MEF2C: variants seen among roughly 807,000 people sequenced by gnomAD.
MEF2C encodes the protein myocyte-specific enhancer factor 2C.
In MEF2C, 6 loss-of-function variants were observed where a neutral mutation model predicts 50.5. The observed-to-expected ratio is 0.12, with a 90% CI of 0.07 to 0.23. MEF2C has a LOEUF of 0.23. Ranked by LOEUF, MEF2C falls within the 10% of genes least tolerant of loss-of-function variation. MEF2C has a pLI of 1.00. For missense variants in MEF2C, 276 were observed against 605.0 expected (o/e 0.46, Z 5.70); for synonymous variants, 183 against 228.0 (o/e 0.80, Z 1.78).
At chr5:88,730,160 C>G (rs1225947661) in intron 8 of MEF2C, 51 bp downstream of exon 8, 4 of 1,553,974 alleles carry the variant, frequency 2.6e-6, no homozygotes, top group African/African-American at 1.4e-5. Context: ...CCACCTCTAC[C>G]TAAAAGTAGC....
At chr5:88,759,662 T>A in intron 4 of MEF2C, among the ~76,000 whole-genome samples, 1 of 117,364 alleles carries the variant, frequency 8.5e-6, no homozygotes, top group South Asian at 2.9e-4. Flanking sequence ...ACTATGAATG[T>A]GTGCATATAA....
chr5:88,783,384 T>C (rs1789158966), intron 3 of MEF2C, among the ~76,000 whole-genome samples: 1 of 152,164 alleles, frequency 6.6e-6, no homozygotes, highest in Non-Finnish European at 1.5e-5. Context: ...ATCCCAGCAC[T>C]TTGGGAGGCC....
intron 2 of MEF2C, among the ~76,000 whole-genome samples, chr5:88,821,823 A>G (rs1383510724): frequency 6.6e-6 from 1 of 151,888 alleles, no homozygotes. Context: ...AAAAATAGGT[A>G]AAATGAATAA....
chr5:88,736,694 G>T (rs1764267791), intron 6 of MEF2C: 7 of 985,330 alleles, frequency 7.1e-6, no homozygotes, highest in Non-Finnish European at 8.4e-6. Context: ...TTTCTGAACT[G>T]CTACTTCCAT....
intron 5 of MEF2C, chr5:88,751,520 G>A (rs1772734411): frequency 2.0e-6 from 2 of 985,390 alleles, no homozygotes; most frequent in Non-Finnish European, 2.4e-6. Flanking sequence ...GGAGGAAGAG[G>A]GAAAATGGCA....
At chr5:88,842,451 T>C (rs1394976166) in intron 1 of MEF2C, among the ~76,000 whole-genome samples, 1 of 151,816 alleles carries the variant, frequency 6.6e-6, no homozygotes, top group African/African-American at 2.4e-5. Context: ...TTCTATTATA[T>C]GAGGATGAAA....
At chr5:88,815,118 C>T (rs1804724742) in intron 2 of MEF2C, among the ~76,000 whole-genome samples, 1 of 152,026 alleles carries the variant, frequency 6.6e-6, no homozygotes, top group Admixed American at 6.6e-5. Context: ...TAATTTGAAT[C>T]TGAGAAGAAT....
intron 3 of MEF2C, among the ~76,000 whole-genome samples, chr5:88,794,061 T>G (rs988278442): frequency 1.3e-5 from 2 of 152,236 alleles, no homozygotes; most frequent in Admixed American, 6.5e-5. Context: ...ACATTTGGGT[T>G]GGTTCCAAGT....
At chr5:88,755,969 G>C (rs942093667) in intron 4 of MEF2C, among the ~76,000 whole-genome samples, 2 of 152,118 alleles carry the variant, frequency 1.3e-5, no homozygotes, top group African/African-American at 4.8e-5. Flanking sequence ...TCAGCTTCTA[G>C]AATTCTGGAT....
rs550899384 is a variant in MEF2C, at chr5:88,754,887, G to A, written c.403-2844C>T. Reference sequence around the variant, plus strand: ...TAAGCTCTAGCTTTTGCCAACCTCCGTTATCTCATCGCCTAACACCTTCTG... The same window carrying A: ...TAAGCTCTAGCTTTTGCCAACCTCCATTATCTCATCGCCTAACACCTTCTG... On this transcript the variant is annotated intron_variant, in intron 4 of 10. Transcript: ENST00000504921. 3.3e-5 allele frequency among the ~76,000 whole-genome samples: 5 copies of A among 152,164 alleles called. No homozygotes were observed. The East Asian group carries it at 5.8e-4, about 18-fold the overall frequency.
intron 1 of MEF2C, among the ~76,000 whole-genome samples, chr5:88,832,089 C>G (rs1441984656): frequency 6.6e-6 from 1 of 152,110 alleles, no homozygotes; most frequent in Non-Finnish European, 1.5e-5. Flanking sequence ...GCTCCAGACA[C>G]AGTGTGTCAA....
intron 3 of MEF2C, among the ~76,000 whole-genome samples, chr5:88,765,889 A>G (rs990503290): frequency 1.3e-5 from 2 of 152,214 alleles, no homozygotes; most frequent in Non-Finnish European, 2.9e-5. Context: ...AAGCCTGTAT[A>G]CTGAAGTCAG....
chr5:88,792,253 A>G (rs1215533437), intron 3 of MEF2C, among the ~76,000 whole-genome samples: 1 of 152,096 alleles, frequency 6.6e-6, no homozygotes, highest in East Asian at 1.9e-4. Context: ...AAAATACAGT[A>G]TACTTCACCC....
chr5:88,814,223 C>G (rs1804234200), intron 2 of MEF2C, among the ~76,000 whole-genome samples: 1 of 151,918 alleles, frequency 6.6e-6, no homozygotes, highest in African/African-American at 2.4e-5. Flanking sequence ...AAGTATTCTT[C>G]TTCAGTTTTA....
At chr5:88,845,224 G>A (rs1818879617) in intron 1 of MEF2C, among the ~76,000 whole-genome samples, 1 of 152,172 alleles carries the variant, frequency 6.6e-6, no homozygotes, top group African/African-American at 2.4e-5. Flanking sequence ...TGTCAATGGT[G>A]CCTATAATTG....
intron 6 of MEF2C, chr5:88,741,574 T>C: frequency 1.0e-6 from 1 of 985,270 alleles, no homozygotes; most frequent in African/African-American, 1.7e-5. Context: ...AAAGATTCAG[T>C]TTTCTTGATT....
intron 3 of MEF2C, chr5:88,785,528 G>A (rs993947658): frequency 1.3e-5 from 2 of 152,104 alleles, no homozygotes; most frequent in African/African-American, 4.8e-5. Flanking sequence ...ATGTCTCAGG[G>A]AGCTAAACTA....
chr5:88,830,257 C>A (rs1321951827), intron 1 of MEF2C, among the ~76,000 whole-genome samples: 1 of 152,062 alleles, frequency 6.6e-6, no homozygotes, highest in Non-Finnish European at 1.5e-5. Flanking sequence ...GAAAACTCTA[C>A]ATTAATGCTT....
At chr5:88,734,565 G>GTTGTT (rs1763125714) in intron 6 of MEF2C, 4 of 541,952 alleles carry the variant, frequency 7.4e-6, no homozygotes, top group Non-Finnish European at 8.3e-6. Flanking sequence ...AGAAAAGTTT[G>GTTGTT]TTTTTTTTTT....
Sources: gnomAD v4.1 joint callset for allele counts (sites outside exome capture counted in the v4.1 genomes callset) on GRCh38, gnomAD v4.1.1 for gene constraint, MANE v1.5 for transcripts, NCBI Gene and HGNC (gene_info 2026-07-23, HGNC 2026-07-21) for gene names.